Variants in DLGAP2 observed in about 807,000 individuals in gnomAD.
DLGAP2 encodes DLG associated protein 2.
DLGAP2 carries 26 observed loss-of-function variants against 100.3 expected under a neutral mutation model. The ratio of observed to expected loss-of-function variants is 0.26; its 90% CI spans 0.19 to 0.36. The LOEUF is 0.36. DLGAP2 is among the 10% of genes least tolerant of loss of function. The pLI is 1.00. For missense variants in DLGAP2, 1,858 were observed against 1,453.2 expected, an observed-to-expected ratio of 1.28 and a Z score of -4.53; for synonymous variants, 886 against 630.1, an observed-to-expected ratio of 1.41 and a Z score of -6.08.
At chr8:1,566,996 A>G (rs1168896844) in intron 6 of DLGAP2, among the ~76,000 whole-genome samples, 3 of 152,156 alleles carry the variant, frequency 2.0e-5, no homozygotes, top group African/African-American at 4.8e-5. Context: ...CTCTCCCTCC[A>G]CAGAGGGTGG....
At chr8:1,498,917 C>T (rs1002290581) in intron 3 of DLGAP2, among the ~76,000 whole-genome samples, 4 of 152,196 alleles carry the variant, frequency 2.6e-5, no homozygotes, top group Admixed American at 6.5e-5. Flanking sequence ...AAGGCCACAC[C>T]GCACTCGGAA....
intron 2 of DLGAP2, among the ~76,000 whole-genome samples, chr8:999,352 C>A (rs760367745): frequency 6.6e-6 from 1 of 151,942 alleles, no homozygotes; most frequent in African/African-American, 2.4e-5. Flanking sequence ...CTTTTCTCAT[C>A]TTCTTTCCCT....
rs749535682 is a variant in DLGAP2, at chr8:1,267,399, C to G, written c.106+8516C>G. On this transcript the variant is annotated intron_variant, in intron 3 of 14. Transcript: ENST00000637795. ...TGACCAACATGGTGAAACCCCATCT[C>G]TACTGAAAATACAAAAATTAGCCAG... Among the ~76,000 whole-genome samples the G allele has an allele frequency of 6.6e-4, 100 of 150,570 alleles. 1 individual carries two copies. The highest frequency in any genetic ancestry group is 2.4e-5 in the African/African-American group (1 of 41,086).
At chr8:1,387,884 C>A (rs192991268) in intron 3 of DLGAP2, among the ~76,000 whole-genome samples, 1 of 152,152 alleles carries the variant, frequency 6.6e-6, no homozygotes. Flanking sequence ...CGCTGGAAGC[C>A]GAGATGTCCT....
chr8:1,511,633 C>T (rs1324482147), intron 4 of DLGAP2, among the ~76,000 whole-genome samples: 2 of 151,322 alleles, frequency 1.3e-5, no homozygotes, highest in Non-Finnish European at 1.5e-5. Context: ...GTAGGACAAT[C>T]AGTAGATGAC....
Position 1,549,449 on chromosome 8 carries a change from G to T in DLGAP2, c.996G>T (p.Gln332His), listed in dbSNP as rs760029312. The T allele has an allele frequency of 6.2e-7, 1 of 1,613,484 alleles. No homozygotes were observed. Among genetic ancestry groups the T allele is most frequent in the South Asian group, 1.1e-5 (1 of 91,076 alleles). The change falls in exon 5 of 15, where the codon CAG becomes CAT. Residue 332 changes from glutamine to histidine, a missense_variant. By Grantham distance (24) the Gln-to-His change is conservative. Transcript: ENST00000637795. ...CCCACTGCTACCCCGACGCGCTGCA[G>T]AGCCCCTTCGGGGACCTGTCCCTCA... is the stretch of plus-strand genomic sequence containing the variant. ...PVAHCYPDALQSPFGDLSLKT... is the reference protein window; with the variant it reads ...PVAHCYPDALHSPFGDLSLKT...
chr8:1,186,435 G>A (rs1214617976), intron 2 of DLGAP2, among the ~76,000 whole-genome samples: 4 of 152,196 alleles, frequency 2.6e-5, no homozygotes, highest in Admixed American at 6.5e-5. Flanking sequence ...TCTCCAGCCC[G>A]CTGTGCAGCG....
In DLGAP2 at chr8:1,703,351, C is replaced by T. The variant is rs1240732255; in HGVS notation, c.*1945C>T. 2 of 152,380 alleles carry T rather than the reference C, an allele frequency of 1.3e-5. No individual in the cohort carries two copies. Among genetic ancestry groups the T allele is most frequent in the African/African-American group, 4.8e-5 (2 of 41,336 alleles). 9.4% of individuals were successfully genotyped at this position (152,380 alleles called of 1,614,324 possible). A position where few individuals can be genotyped will look rare whatever the true frequency, so the allele number is the denominator to read the frequency against. Reference sequence around the variant, plus strand: ...CTTCTATAAATGAATCCTATTTCCCCAGAGTGTTCAAGGCATTTTTCTACC... The same window carrying T: ...CTTCTATAAATGAATCCTATTTCCCTAGAGTGTTCAAGGCATTTTTCTACC... On this transcript the variant is annotated 3_prime_UTR_variant, in exon 15 of 15. Coordinates refer to ENST00000637795, the MANE Select transcript of DLGAP2 (RefSeq NM_001346810.2).
intron 4 of DLGAP2, among the ~76,000 whole-genome samples, chr8:1,515,724 A>C (rs141800290): frequency 1.1e-3 from 172 of 152,238 alleles, no homozygotes; most frequent in Admixed American, 2.0e-3. Context: ...ACATGCACAG[A>C]TAGGCACACT....
At chr8:769,005 A>C (rs928208023) in intron 1 of DLGAP2, among the ~76,000 whole-genome samples, 1 of 152,084 alleles carries the variant, frequency 6.6e-6, no homozygotes, top group African/African-American at 2.4e-5. Flanking sequence ...GCAGCTTCCC[A>C]GAGGTGGGTG....
chr8:882,252 C>G (rs1563077409), intron 1 of DLGAP2, among the ~76,000 whole-genome samples: 2 of 151,996 alleles, frequency 1.3e-5, no homozygotes, highest in Admixed American at 6.5e-5. Flanking sequence ...CTGCGGAGGC[C>G]TCTCCTGCGG....
intron 1 of DLGAP2, among the ~76,000 whole-genome samples, chr8:799,775 T>C (rs1353797985): frequency 6.6e-6 from 1 of 152,130 alleles, no homozygotes; most frequent in Non-Finnish European, 1.5e-5. Context: ...TTTTAATTTC[T>C]TTGTTGAGTT....
chr8:1,323,014 GAC>G (rs1800941349), intron 3 of DLGAP2, among the ~76,000 whole-genome samples: 1 of 151,524 alleles, frequency 6.6e-6, no homozygotes, highest in Non-Finnish European at 1.5e-5. Context: ...AGTAGATGTT[GAC>G]ACTGTTAAAC....
At chr8:1,269,812 G>A (rs112274958) in intron 3 of DLGAP2, among the ~76,000 whole-genome samples, 1 of 152,154 alleles carries the variant, frequency 6.6e-6, no homozygotes, top group African/African-American at 2.4e-5. Flanking sequence ...TATTTTTAAA[G>A]CTAGAGAATC....
chr8:1,554,840 A>T (rs1801904933), intron 5 of DLGAP2, among the ~76,000 whole-genome samples: 2 of 146,250 alleles, frequency 1.4e-5, no homozygotes, highest in Non-Finnish European at 3.0e-5. Context: ...GTTGTGGCTT[A>T]TGGGGTGCTT....
intron 1 of DLGAP2, among the ~76,000 whole-genome samples, chr8:771,466 C>A (rs997272335): frequency 4.6e-5 from 7 of 152,242 alleles, no homozygotes; most frequent in South Asian, 2.1e-4. Flanking sequence ...CCTGGGCCTG[C>A]ACTAGCCGGG....
chr8:978,813 G>T (rs752538158), intron 2 of DLGAP2, among the ~76,000 whole-genome samples: 2 of 152,156 alleles, frequency 1.3e-5, no homozygotes, highest in African/African-American at 4.8e-5. Flanking sequence ...CTTACCTTTT[G>T]ATAAGCTTGA....
intron 1 of DLGAP2, among the ~76,000 whole-genome samples, chr8:760,585 C>T (rs527594269): frequency 6.6e-5 from 10 of 152,264 alleles, no homozygotes; most frequent in Admixed American, 3.9e-4. Flanking sequence ...CTGAGTTTGT[C>T]GGCTTTAACT....
At chr8:1,506,145 G>A (rs920041742) in intron 4 of DLGAP2, among the ~76,000 whole-genome samples, 2 of 151,852 alleles carry the variant, frequency 1.3e-5, no homozygotes, top group African/African-American at 4.8e-5. Context: ...CATCTCCACA[G>A]CATTTAAGTG....
Sources: gnomAD v4.1 joint callset for allele counts (sites outside exome capture counted in the v4.1 genomes callset) on GRCh38, gnomAD v4.1.1 for gene constraint, MANE v1.5 for transcripts, NCBI Gene and HGNC (gene_info 2026-07-23, HGNC 2026-07-21) for gene names.